KATNAL2: variants seen among roughly 807,000 people sequenced by gnomAD.
KATNAL2 encodes katanin p60 ATPase-containing subunit A-like 2.
KATNAL2 carries 52 observed loss-of-function variants against 76.3 expected under a neutral mutation model. The observed-to-expected ratio is 0.68, with a 90% CI of 0.55 to 0.86. The LOEUF is 0.86. Ranked by LOEUF, KATNAL2 falls within the 40% of genes least tolerant of loss-of-function variation. KATNAL2 has a pLI of 0.00. For missense variants in KATNAL2, 660 were observed against 668.9 expected, an observed-to-expected ratio of 0.99 and a Z score of 0.15; for synonymous variants, 243 against 244.2, an observed-to-expected ratio of 1.00 and a Z score of 0.05.
At chr18:47,050,803 T>C (rs1042968444) in intron 4 of KATNAL2, among the ~76,000 whole-genome samples, 1 of 152,238 alleles carries the variant, frequency 6.6e-6, no homozygotes, top group Non-Finnish European at 1.5e-5. Flanking sequence ...GAAAGCTTTG[T>C]AGAGAGGGTG....
chr18:46,958,347 A>G (rs887772173), intron 3 of KATNAL2, among the ~76,000 whole-genome samples: 2 of 152,076 alleles, frequency 1.3e-5, no homozygotes, highest in African/African-American at 4.8e-5. Flanking sequence ...TATAATAATA[A>G]ATCCTTATAA....
At chr18:46,958,172 C>T (rs1228275318) in intron 3 of KATNAL2, among the ~76,000 whole-genome samples, 1 of 151,390 alleles carries the variant, frequency 6.6e-6, no homozygotes, top group Non-Finnish European at 1.5e-5. Flanking sequence ...ATTGGCTTTT[C>T]CTGAGTCTTG....
intron 15 of KATNAL2, among the ~76,000 whole-genome samples, chr18:47,080,000 C>T (rs564549133): frequency 3.3e-5 from 5 of 152,236 alleles, no homozygotes; most frequent in African/African-American, 1.2e-4. Context: ...TGTGAGCATC[C>T]ATTGATGACC....
At chr18:46,953,190 G>A (rs772549547) in intron 3 of KATNAL2, among the ~76,000 whole-genome samples, 12 of 152,016 alleles carry the variant, frequency 7.9e-5, no homozygotes, top group East Asian at 1.9e-4. Context: ...CACCGCTCCC[G>A]GCACCTTCCT....
At chr18:46,934,100 A>G (rs1180463825) in intron 1 of KATNAL2, among the ~76,000 whole-genome samples, 5 of 152,098 alleles carry the variant, frequency 3.3e-5, no homozygotes, top group Non-Finnish European at 5.9e-5. Flanking sequence ...TAGTGCCGCT[A>G]TAAACACACG....
Position 47,067,064 on chromosome 18 carries a change from T to C in KATNAL2, c.770T>C (p.Ile257Thr), listed in dbSNP as rs2147182271. ...HNPNIKWNDI[I>T]GLDAAKQLVK... ...CCAAACATAAAGTGGAATGACATTA[T>C]TGGACTTGATGCAGCCAAGCAGTTA... Residue 257 changes from isoleucine to threonine, a missense_variant, in exon 11 of 18, where the codon ATT becomes ACT. Coordinates refer to ENST00000683218, the MANE Select transcript of KATNAL2 (RefSeq NM_001387690.1). The C allele has an allele frequency of 1.9e-6, 3 of 1,591,724 alleles. No individual in the cohort carries two copies. Among genetic ancestry groups the C allele is most frequent in the East Asian group, 2.2e-5 (1 of 44,626 alleles).
intron 3 of KATNAL2, among the ~76,000 whole-genome samples, chr18:46,948,888 T>TGTGTGTG (rs1569005852): frequency 0.019 from 2,735 of 145,888 alleles, 28 homozygotes; most frequent in Non-Finnish European, 0.027. Context: ...AGTATCTGCA[T>TGTGTGTG]TGTGTGTGTG....
chr18:47,041,103 A>G (rs899005941), intron 3 of KATNAL2, among the ~76,000 whole-genome samples: 1 of 152,230 alleles, frequency 6.6e-6, no homozygotes, highest in Non-Finnish European at 1.5e-5. Flanking sequence ...TGAACAAAGT[A>G]TAGAGAATTC....
chr18:46,955,178 C>CTTTCTTTCTTTCTTTCTTTCTTTA (rs1293955552), intron 3 of KATNAL2, among the ~76,000 whole-genome samples: 1 of 132,270 alleles, frequency 7.6e-6, no homozygotes, highest in African/African-American at 2.8e-5. Flanking sequence ...TTCTTTCTTT[C>CTTTCTTTCTTTCTTTCTTTCTTTA]TTTCTTTCCT....
chr18:46,920,536 T>C (rs2058480164), intron 1 of KATNAL2, among the ~76,000 whole-genome samples: 1 of 152,194 alleles, frequency 6.6e-6, no homozygotes, highest in Admixed American at 6.5e-5. Context: ...TTGTAAGGTT[T>C]TAGATTGTTT....
At chr18:46,950,272 A>C (rs1305151815) in intron 3 of KATNAL2, among the ~76,000 whole-genome samples, 1 of 152,170 alleles carries the variant, frequency 6.6e-6, no homozygotes, top group African/African-American at 2.4e-5. Context: ...AGCAATATTT[A>C]GGTATGCTCA....
intron 14 of KATNAL2, chr18:47,076,087 A>G (rs1294730676): frequency 6.6e-6 from 1 of 152,210 alleles, no homozygotes; most frequent in African/African-American, 2.4e-5. Context: ...GCTTGAAAAA[A>G]CAGATCTCTG....
intron 10 of KATNAL2, among the ~76,000 whole-genome samples, chr18:47,064,276 G>C (rs575841986): frequency 6.6e-6 from 1 of 152,238 alleles, no homozygotes; most frequent in Admixed American, 6.5e-5. Flanking sequence ...TAGGAAAGAA[G>C]ACAGGAAATC....
chr18:46,941,296 G>C lies in KATNAL2; in HGVS notation c.-509-4761G>C, dbSNP rs1310028458. ...GGGGGTTGCACTGAGCCGAGATCAT[G>C]CCACTGCATGCCAACCTGGGCAACA... On this transcript the variant is annotated intron_variant, in intron 1 of 17. Transcript: ENST00000683218. Among the ~76,000 whole-genome samples the C allele has an allele frequency of 4.6e-5, 7 of 152,094 alleles. No individual in the cohort carries two copies. The East Asian group carries it at 1.4e-3, about 29-fold the overall frequency.
chr18:47,034,217 TC>T, intron 3 of KATNAL2: 1 of 1,613,756 alleles, frequency 6.2e-7, no homozygotes. Context: ...GTCGGTGGCT[TC>T]CCCTCTTGAG....
At chr18:47,035,327 G>A in intron 3 of KATNAL2, 1 of 1,607,808 alleles carries the variant, frequency 6.2e-7, no homozygotes, top group Non-Finnish European at 8.5e-7. Context: ...GGGGCTGCGG[G>A]ACAGGAAGTC....
At chr18:47,076,379 C>G (rs1160063886) in intron 14 of KATNAL2, 1 of 152,208 alleles carries the variant, frequency 6.6e-6, no homozygotes. Context: ...ACTCTGCTTT[C>G]TATACCAGGC....
intron 15 of KATNAL2, among the ~76,000 whole-genome samples, chr18:47,092,255 T>C (rs907751636): frequency 6.6e-6 from 1 of 152,092 alleles, no homozygotes; most frequent in Non-Finnish European, 1.5e-5. Context: ...TCCCAGCACT[T>C]TGGGAGGCTG....
intron 13 of KATNAL2, among the ~76,000 whole-genome samples, chr18:47,070,386 C>A (rs988839510): frequency 6.6e-6 from 1 of 152,136 alleles, no homozygotes; most frequent in Non-Finnish European, 1.5e-5. Context: ...CAGGCCACCA[C>A]GCCAAGCGAT....
Sources: allele counts gnomAD v4.1 joint callset (sites outside exome capture counted in the v4.1 genomes callset), GRCh38; gene constraint gnomAD v4.1.1; transcripts MANE v1.5; gene names NCBI Gene and HGNC (gene_info 2026-07-23, HGNC 2026-07-21).